Variants in ADH6 observed in about 807,000 individuals in gnomAD.
The protein encoded by ADH6 is alcohol dehydrogenase 6 (class V), also known as alcohol dehydrogenase 6.
In ADH6, 34 loss-of-function variants were observed where a neutral mutation model predicts 36.5. The ratio of observed to expected loss-of-function variants is 0.93; its 90% CI spans 0.71 to 1.24. ADH6 has a LOEUF of 1.24. Ranked by LOEUF, ADH6 falls within the 50% of genes most tolerant of loss-of-function variation. ADH6 has a pLI of 0.00. For missense variants in ADH6, 440 were observed against 447.0 expected, an observed-to-expected ratio of 0.98 and a Z score of 0.14; for synonymous variants, 161 against 155.5, an observed-to-expected ratio of 1.04 and a Z score of -0.26.
In ADH6 at chr4:99,204,172, T is replaced by C. The variant is rs763640047; in HGVS notation, c.*47A>G. ...ATCATGAAAATTACATCAAATGCCA[T>C]TGAGTTGGTGAAATATCCTTTGGGT... is the stretch of plus-strand genomic sequence containing the variant. On this transcript the variant is annotated 3_prime_UTR_variant, in exon 9 of 9. Transcript: ENST00000394899. 2.0e-5 allele frequency: 31 copies of C among 1,566,542 alleles called. No individual in the cohort carries two copies. In the East Asian group the frequency reaches 4.3e-4, roughly 22 times the overall value.
Position 99,210,438 on chromosome 4 carries a change from C to T in ADH6, c.327G>A (p.Glu109=). The T allele has an allele frequency of 1.2e-6, 2 of 1,612,066 alleles. No individual in the cohort carries two copies. Among genetic ancestry groups the T allele is most frequent in the Non-Finnish European group, 1.7e-6 (2 of 1,179,202 alleles). ...ACTTGAATTGTATACAAAAATTGCC[C>T]TCAGAATTCAGGCAAGAGGTACATT... The part of the protein sequence containing the change: ...CGECTSCLNS[E]GNFCIQFKQS... Residue 109 remains glutamate, a synonymous_variant, in exon 4 of 9, where the codon GAG becomes GAA. Transcript: ENST00000394899.
chr4:99,204,901 A>T, intron 8 of ADH6, 24 bp downstream of exon 8: 1 of 1,594,596 alleles, frequency 6.3e-7, no homozygotes, highest in Non-Finnish European at 8.5e-7. Flanking sequence ...ACACACAGAC[A>T]TAAAATTTAT....
At chr4:99,209,995 G>A (rs915928614) in intron 5 of ADH6, 87 bp downstream of exon 5, 2 of 1,372,514 alleles carry the variant, frequency 1.5e-6, no homozygotes, top group African/African-American at 1.4e-5. Context: ...TTTTCCTTTG[G>A]TATGATAAGA....
At position 99,205,423 on chromosome 4, in the gene ADH6, A is replaced by C. The variant is rs1730992504; in HGVS notation, c.965-360T>G. Among the ~76,000 whole-genome samples the C allele has an allele frequency of 1.3e-5, 2 of 152,058 alleles. 1 individual carries two copies. Among genetic ancestry groups the C allele is most frequent in the South Asian group, 4.1e-4 (2 of 4,820 alleles). On this transcript the variant is annotated intron_variant, in intron 7 of 8. Coordinates refer to ENST00000394899, the MANE Select transcript of ADH6 (RefSeq NM_001102470.2). ...ATGGAAAGAAGCAATTCAAATGTTA[A>C]ATATAGCACATTTTTTTGTGTGTGC...
chr4:99,217,986 C>T (rs371150334), intron 1 of ADH6, among the ~76,000 whole-genome samples: 2 of 152,236 alleles, frequency 1.3e-5, no homozygotes, highest in African/African-American at 4.8e-5. Context: ...TTTCAGGCCA[C>T]CACTGTTGTC....
At chr4:99,212,301 C>G (rs1285147980) in intron 3 of ADH6, among the ~76,000 whole-genome samples, 1 of 152,070 alleles carries the variant, frequency 6.6e-6, no homozygotes, top group Non-Finnish European at 1.5e-5. Flanking sequence ...TATCAAACTT[C>G]TTAATCTTTG....
intron 2 of ADH6, 142 bp downstream of exon 2, chr4:99,216,019 T>G (rs1419816200): frequency 2.2e-6 from 1 of 463,928 alleles, no homozygotes; most frequent in African/African-American, 2.0e-5. Context: ...ATGGAAATGT[T>G]TAATGAAAAA....
chr4:99,216,719 C>T (rs1337006166), intron 1 of ADH6, among the ~76,000 whole-genome samples: 1 of 151,840 alleles, frequency 6.6e-6, no homozygotes, highest in Non-Finnish European at 1.5e-5. Context: ...GTGGCCTGCA[C>T]CTGTAATCCC....
rs61755960 is a variant in ADH6 at position 99,213,736 on chromosome 4, G to T, written c.132C>A (p.Thr44=). 6.2e-7 allele frequency: 1 copy of T among 1,607,228 alleles called. No homozygotes were observed. The highest frequency in any genetic ancestry group is 8.5e-7 in the Non-Finnish European group (1 of 1,177,514). The change falls in exon 3 of 9, where the codon ACC becomes ACA. Residue 44 remains threonine, a synonymous_variant. Coordinates refer to ENST00000394899, the MANE Select transcript of ADH6 (RefSeq NM_001102470.2). ...CTTTCATCTCTGTACCACACAGTCC[G>T]GTGGCCACAACCTGTATGGAAGGCA... ...AKEVRIKVVA[T]GLCGTEMKVL...
At chr4:99,217,325 C>T (rs976614469) in intron 1 of ADH6, among the ~76,000 whole-genome samples, 7 of 152,210 alleles carry the variant, frequency 4.6e-5, no homozygotes, top group Admixed American at 6.5e-5. Flanking sequence ...CGTGAGCCAC[C>T]ACGCCCGGCC....
At chr4:99,212,838 G>A (rs922616272) in intron 3 of ADH6, among the ~76,000 whole-genome samples, 1 of 151,006 alleles carries the variant, frequency 6.6e-6, no homozygotes, top group Non-Finnish European at 1.5e-5. Flanking sequence ...AAGAAAATTG[G>A]TCCATTGTCA....
intron 7 of ADH6, among the ~76,000 whole-genome samples, chr4:99,206,095 A>G (rs1249618491): frequency 1.3e-5 from 2 of 151,994 alleles, no homozygotes; most frequent in Non-Finnish European, 2.9e-5. Flanking sequence ...TCAACCCTCC[A>G]CTTTTTTTCT....
chr4:99,204,472 G>T (rs1457073886), intron 8 of ADH6: 1 of 1,321,458 alleles, frequency 7.6e-7, no homozygotes, highest in African/African-American at 1.5e-5. Context: ...CCAGTTTCTG[G>T]GTTATGGCTG....
intron 6 of ADH6, 98 bp from the exon 7 acceptor site, chr4:99,207,679 A>T (rs1451746806): frequency 7.8e-7 from 1 of 1,284,628 alleles, no homozygotes; most frequent in East Asian, 2.6e-5. Context: ...ATGGTCTATG[A>T]CTTTCTTTTC....
At chr4:99,218,858 A>G (rs574114342) in intron 1 of ADH6, among the ~76,000 whole-genome samples, 1 of 152,200 alleles carries the variant, frequency 6.6e-6, no homozygotes, top group Admixed American at 6.5e-5. Flanking sequence ...TTTTATAATT[A>G]TTGTCTCTCT....
At chr4:99,217,097 AC>A (rs1311477548) in intron 1 of ADH6, among the ~76,000 whole-genome samples, 1 of 152,040 alleles carries the variant, frequency 6.6e-6, no homozygotes, top group East Asian at 1.9e-4. Context: ...GTGCAGTAGC[AC>A]GATCTCGGCT....
At position 99,204,943 on chromosome 4, in the gene ADH6, A is replaced by T; in HGVS notation, c.1085T>A (p.Leu362Ter). 1 of 1,607,888 alleles carries T rather than the reference A, an allele frequency of 6.2e-7. No individual in the cohort carries two copies. Among genetic ancestry groups the T allele is most frequent in the South Asian group, 1.1e-5 (1 of 89,652 alleles). ...NLDKINEAVE[L>*]MKTGKCIRCI... The stretch of plus-strand genomic sequence containing the variant: ...AGTTTACCATTTTCCAGTTTTCATT[A>T]ATTCAACTGCTTCATTGATTTTATC... Residue 362 changes from leucine to a stop codon, truncating the protein, a stop_gained, in exon 8 of 9, where the codon TTA (leucine) becomes TAA (stop). Coordinates refer to ENST00000394899, the MANE Select transcript of ADH6 (RefSeq NM_001102470.2). LOFTEE classifies it low-confidence loss of function (END_TRUNC).
intron 8 of ADH6, 180 bp from the exon 9 acceptor site, chr4:99,204,423 A>G (rs1730948605): frequency 7.1e-7 from 1 of 1,406,762 alleles, no homozygotes; most frequent in Admixed American, 3.2e-5. Flanking sequence ...CTCCAAGGGT[A>G]AAAAGTAGGT....
intron 7 of ADH6, among the ~76,000 whole-genome samples, chr4:99,206,206 ATTCT>A (rs1320511752): frequency 4.6e-5 from 7 of 152,118 alleles, no homozygotes; most frequent in South Asian, 4.1e-4. Context: ...GGTGGGGAAC[ATTCT>A]TTCTTTTGCA....
Sources: gnomAD v4.1 joint callset for allele counts (sites outside exome capture counted in the v4.1 genomes callset) on GRCh38, gnomAD v4.1.1 for gene constraint, MANE v1.5 for transcripts, NCBI Gene and HGNC (gene_info 2026-07-23, HGNC 2026-07-21) for gene names.